Variants in KCTD16 observed in about 807,000 individuals in gnomAD.
The protein encoded by KCTD16 is potassium channel tetramerization domain containing 16.
Under a neutral mutation model 33.2 loss-of-function variants are expected in KCTD16, and 13 were observed. That is an observed-to-expected ratio of 0.39 (90% confidence interval 0.25 to 0.62). The LOEUF is 0.62. Ranked by LOEUF, KCTD16 falls within the 20% of genes least tolerant of loss-of-function variation. The probability of loss-of-function intolerance (pLI) is 0.50; values close to 1 mark genes in which losing one functional copy is unlikely to be tolerated. For synonymous variants in KCTD16, 197 were observed against 195.3 expected, an observed-to-expected ratio of 1.01 and a Z score of -0.07; for missense variants, 441 against 525.1, an observed-to-expected ratio of 0.84 and a Z score of 1.57.
chr5:144,253,683 G>A (rs1754765248), intron 3 of KCTD16, among the ~76,000 whole-genome samples: 1 of 151,956 alleles, frequency 6.6e-6, no homozygotes. Context: ...TTTTAAAGAT[G>A]TTTTACCTGT....
At chr5:144,176,635 C>G (rs1275909287) in intron 2 of KCTD16, among the ~76,000 whole-genome samples, 1 of 151,816 alleles carries the variant, frequency 6.6e-6, no homozygotes, top group Middle Eastern at 3.4e-3. Context: ...ATCTCCTGAC[C>G]TCATGATCCA....
chr5:144,335,998 T>C (rs150554567), intron 3 of KCTD16, among the ~76,000 whole-genome samples: 122 of 152,292 alleles, frequency 8.0e-4, no homozygotes, highest in African/African-American at 2.9e-3. Context: ...TCTTGTGCTT[T>C]TTGATAGGAC....
rs541932168 is a variant in KCTD16 at position 144,404,859 on chromosome 5, C to T, written c.833-68801C>T. ...CACAGATTATTTCACTTCCGAACTA[C>T]TCCCCACTTTAGCAGGTGCAGAGCT... is the stretch of plus-strand genomic sequence containing the variant. On this transcript the variant is annotated intron_variant, in intron 3 of 3. Coordinates refer to ENST00000512467, the MANE Select transcript of KCTD16 (RefSeq NM_020768.4). Among the ~76,000 whole-genome samples, 5 of 152,298 alleles carry T rather than the reference C, an allele frequency of 3.3e-5. No homozygotes were observed. The South Asian group carries it at 1.0e-3, about 32-fold the overall frequency.
chr5:144,406,730 A>G (rs913265401), intron 3 of KCTD16, among the ~76,000 whole-genome samples: 1 of 152,226 alleles, frequency 6.6e-6, no homozygotes, highest in African/African-American at 2.4e-5. Context: ...TGGAAGACAG[A>G]AAGTTAAAGC....
Position 144,353,073 on chromosome 5 carries a change from C to T in KCTD16, c.833-120587C>T, listed in dbSNP as rs78644723. Reference sequence around the variant, plus strand: ...GACAAAATCTTAATTAGATGCAGACCAGGGCTAACGTTTGCCACCTGCTGC... The same window carrying T: ...GACAAAATCTTAATTAGATGCAGACTAGGGCTAACGTTTGCCACCTGCTGC... On this transcript the variant is annotated intron_variant, in intron 3 of 3. Transcript: ENST00000512467. Among the ~76,000 whole-genome samples, 684 of 152,264 alleles carry T rather than the reference C, an allele frequency of 4.5e-3. 3 individuals are homozygous for T. Among genetic ancestry groups the T allele is most frequent in the African/African-American group, 0.016 (653 of 41,548 alleles).
chr5:144,264,780 A>G (rs2126841857), intron 3 of KCTD16, among the ~76,000 whole-genome samples: 1 of 152,328 alleles, frequency 6.6e-6, no homozygotes, highest in South Asian at 2.1e-4. Context: ...TCAAACAAAC[A>G]AACAGAAACG....
chr5:144,238,931 G>C (rs905274393), intron 3 of KCTD16, among the ~76,000 whole-genome samples: 2 of 152,134 alleles, frequency 1.3e-5, no homozygotes, highest in Non-Finnish European at 2.9e-5. Context: ...AGACAAACAA[G>C]TTGGTGGATG....
intron 3 of KCTD16, among the ~76,000 whole-genome samples, chr5:144,330,276 G>A (rs1752319721): frequency 6.6e-6 from 1 of 151,970 alleles, no homozygotes; most frequent in South Asian, 2.1e-4. Flanking sequence ...AGCCACGCGA[G>A]TTGGTGCACT....
chr5:144,393,018 ATAAT>A (rs1411365991), intron 3 of KCTD16, among the ~76,000 whole-genome samples: 2 of 152,230 alleles, frequency 1.3e-5, no homozygotes, highest in Admixed American at 6.5e-5. Context: ...TATAGGCATC[ATAAT>A]TAATTTAAAA....
At chr5:144,207,902 G>A (rs1753238698) in intron 3 of KCTD16, among the ~76,000 whole-genome samples, 1 of 152,242 alleles carries the variant, frequency 6.6e-6, no homozygotes, top group Admixed American at 6.5e-5. Context: ...CAGGAGCTTG[G>A]TATACTCAGT....
intron 3 of KCTD16, among the ~76,000 whole-genome samples, chr5:144,300,650 A>G (rs1751406825): frequency 6.6e-6 from 1 of 152,318 alleles, no homozygotes; most frequent in South Asian, 2.1e-4. Flanking sequence ...TAAAGAAAAT[A>G]TGCCCCACTA....
chr5:144,379,347 T>A (rs1752160746), intron 3 of KCTD16, among the ~76,000 whole-genome samples: 1 of 152,174 alleles, frequency 6.6e-6, no homozygotes, highest in South Asian at 2.1e-4. Flanking sequence ...ATATTTCACG[T>A]ACTAGAAGAA....
intron 3 of KCTD16, among the ~76,000 whole-genome samples, chr5:144,424,509 T>C (rs1316204380): frequency 3.3e-5 from 5 of 152,160 alleles, no homozygotes; most frequent in Admixed American, 2.6e-4. Context: ...GCACTGGCTA[T>C]TGCTCACCTC....
intron 3 of KCTD16, among the ~76,000 whole-genome samples, chr5:144,445,351 A>T (rs1352234459): frequency 2.6e-5 from 4 of 151,896 alleles, no homozygotes; most frequent in Admixed American, 2.0e-4. Flanking sequence ...TCAATTCTGG[A>T]TGCGTTTGAG....
intron 3 of KCTD16, among the ~76,000 whole-genome samples, chr5:144,252,104 A>G (rs912823506): frequency 1.3e-5 from 2 of 152,154 alleles, no homozygotes; most frequent in African/African-American, 2.4e-5. Flanking sequence ...AAAATATTTT[A>G]TGTGTTTGTA....
chr5:144,171,753 A>G (rs1225045678), intron 1 of KCTD16, among the ~76,000 whole-genome samples: 3 of 152,176 alleles, frequency 2.0e-5, no homozygotes, highest in African/African-American at 7.2e-5. Context: ...TTGAGGCTGG[A>G]ATAACAGGAA....
At chr5:144,276,065 T>C (rs1755429769) in intron 3 of KCTD16, among the ~76,000 whole-genome samples, 1 of 152,186 alleles carries the variant, frequency 6.6e-6, no homozygotes, top group African/African-American at 2.4e-5. Context: ...AAAAAGTAAT[T>C]TTTAGTTATA....
chr5:144,207,316 C>G lies in KCTD16; in HGVS notation c.602C>G (p.Ala201Gly). ...RILVCGRISLAKEVFGETLNE... is the reference protein window; with the variant it reads ...RILVCGRISLGKEVFGETLNE... Reference sequence around the variant, plus strand: ...TTGGTTTGTGGAAGGATTTCCTTGGCAAAAGAAGTCTTTGGAGAAACTTTG... The same window carrying G: ...TTGGTTTGTGGAAGGATTTCCTTGGGAAAAGAAGTCTTTGGAGAAACTTTG... Residue 201 changes from alanine (A) to glycine (G), a missense_variant, in exon 3 of 4, where the codon GCA (alanine) becomes GGA (glycine). Physicochemically the swap from Ala to Gly is moderately conservative, Grantham distance 60. Transcript: ENST00000512467. 1 of 1,614,186 alleles carries G rather than the reference C, an allele frequency of 6.2e-7. No individual in the cohort carries two copies. Among genetic ancestry groups the G allele is most frequent in the Non-Finnish European group, 8.5e-7 (1 of 1,180,044 alleles).
rs960988934 is a variant in KCTD16, at chr5:144,172,175, A to G, written c.-493+1166A>G. 3.7e-5 allele frequency among the ~76,000 whole-genome samples: 5 copies of G among 135,438 alleles called. No homozygotes were observed. The East Asian group carries it at 7.1e-4, about 19-fold the overall frequency. 88.9% of individuals were successfully genotyped at this position (135,438 alleles called of 152,430 possible). ...CCTCCAAACAAAAATAGCAACAACAAAAGGATGTAAGACCCAACCAAAAAA... is the reference window on the plus strand; with the variant it reads ...CCTCCAAACAAAAATAGCAACAACAGAAGGATGTAAGACCCAACCAAAAAA... On this transcript the variant is annotated intron_variant, in intron 1 of 3. Coordinates refer to ENST00000512467, the MANE Select transcript of KCTD16 (RefSeq NM_020768.4).
Sources: allele counts gnomAD v4.1 joint callset (sites outside exome capture counted in the v4.1 genomes callset), GRCh38; gene constraint gnomAD v4.1.1; transcripts MANE v1.5; gene names NCBI Gene and HGNC (gene_info 2026-07-23, HGNC 2026-07-21).